The following RINT1 variants were observed in gnomAD, a reference collection of about 807,000 sequenced individuals.
The protein encoded by RINT1 is RAD50 interactor 1.
In RINT1, 75 loss-of-function variants were observed where a neutral mutation model predicts 97.7. That is an observed-to-expected ratio of 0.77 (90% CI 0.64 to 0.93). RINT1 has a LOEUF of 0.93. Ranked by LOEUF, RINT1 falls within the 40% of genes least tolerant of loss-of-function variation. The pLI, the probability that RINT1 is intolerant of heterozygous loss-of-function variation, is 0.00. For missense variants in RINT1, 892 were observed against 925.2 expected (o/e 0.96, Z 0.47); for synonymous variants, 303 against 326.3 (o/e 0.93, Z 0.77).
At chr7:105,559,049 T>C (rs1240456355) in intron 11 of RINT1, among the ~76,000 whole-genome samples, 1 of 152,162 alleles carries the variant, frequency 6.6e-6, no homozygotes, top group Non-Finnish European at 1.5e-5. Context: ...GAAATAAATT[T>C]CAGAGTTGAT....
At position 105,565,318 on chromosome 7, in the gene RINT1, C is replaced by A. The variant is rs1791660722; in HGVS notation, c.1928C>A (p.Ser643Tyr). The change falls in exon 13 of 15, where the codon TCC becomes TAC. Residue 643 changes from serine (S) to tyrosine (Y), a missense_variant. Ser to Tyr is a moderately radical substitution (Grantham distance 144). Transcript: ENST00000257700. Reference sequence around the variant, plus strand: ...TCTCAGTCAGAGCAGGCAGTGATGTCCCTGTCCAGTTCGGCTTGCCCGTTG... The same window carrying A: ...TCTCAGTCAGAGCAGGCAGTGATGTACCTGTCCAGTTCGGCTTGCCCGTTG... ...LPSQSEQAVM[S>Y]LSSSACPLLL... The A allele has an allele frequency of 6.2e-7, 1 of 1,614,058 alleles. No homozygotes were observed. The highest frequency in any genetic ancestry group is 1.7e-5 in the Admixed American group (1 of 60,002).
At chr7:105,547,858 G>T (rs910225194) in intron 6 of RINT1, among the ~76,000 whole-genome samples, 2 of 151,732 alleles carry the variant, frequency 1.3e-5, no homozygotes, top group East Asian at 3.9e-4. Flanking sequence ...CTCCCGAGTA[G>T]CTGGGATTAC....
chr7:105,536,736 A>G lies in RINT1; in HGVS notation c.260A>G (p.Gln87Arg). 6.3e-7 allele frequency: 1 copy of G among 1,593,726 alleles called. No homozygotes were observed. The highest frequency in any genetic ancestry group is 8.5e-7 in the Non-Finnish European group (1 of 1,171,038). Residue 87 changes from glutamine (Q) to arginine (R), a missense_variant, in exon 3 of 15, where the codon CAG becomes CGG. Coordinates refer to ENST00000257700, the MANE Select transcript of RINT1 (RefSeq NM_021930.6). Reference sequence around the variant, plus strand: ...GAACAGAGGACAGTAAGTAAAATGCAGTTAGAAGAACAGGTAAGTATTGAA... The same window carrying G: ...GAACAGAGGACAGTAAGTAAAATGCGGTTAGAAGAACAGGTAAGTATTGAA... The part of the protein sequence containing the change: ...LIEQRTVSKM[Q>R]LEEQVLTISS...
intron 10 of RINT1, among the ~76,000 whole-genome samples, chr7:105,553,103 T>A (rs940495892): frequency 6.6e-6 from 1 of 152,174 alleles, no homozygotes; most frequent in Non-Finnish European, 1.5e-5. Flanking sequence ...GATAATATGA[T>A]GAACTCTCAG....
At chr7:105,549,442 G>A (rs933421595) in intron 7 of RINT1, among the ~76,000 whole-genome samples, 6 of 150,618 alleles carry the variant, frequency 4.0e-5, no homozygotes, top group African/African-American at 1.5e-4. Flanking sequence ...TCTGCCTCCC[G>A]CGTTCAAGCG....
rs199604799 is a variant in RINT1, at chr7:105,567,295, C to G, written c.2363C>G (p.Pro788Arg). The G allele has an allele frequency of 6.3e-7, 1 of 1,595,830 alleles. No individual in the cohort carries two copies. Among genetic ancestry groups the G allele is most frequent in the African/African-American group, 1.4e-5 (1 of 74,048 alleles). The change falls in exon 15 of 15, where the codon CCT (proline) becomes CGT (arginine). Residue 788 changes from proline (P) to arginine (R), a missense_variant. By Grantham distance (103) the Pro-to-Arg change is moderately radical. Coordinates refer to ENST00000257700, the MANE Select transcript of RINT1 (RefSeq NM_021930.6). ...CTACTTAATTTGAGGACAAATTGGC[C>G]TAATACTGGAAAATAATGTCTTTCA... ...EILLNLRTNW[P>R]NTGK
chr7:105,548,489 A>G (rs1790775141), intron 6 of RINT1, 65 bp from the exon 7 acceptor site: 1 of 1,477,984 alleles, frequency 6.8e-7, no homozygotes, highest in African/African-American at 1.4e-5. Context: ...GTGTGTGTAT[A>G]CATACATATG....
chr7:105,556,124 T>G (rs930045451), intron 11 of RINT1, among the ~76,000 whole-genome samples: 6 of 151,376 alleles, frequency 4.0e-5, no homozygotes, highest in Non-Finnish European at 8.8e-5. Context: ...TGGAGTGCAA[T>G]GGTGCGATCT....
chr7:105,562,177 G>C (rs1791467691), intron 11 of RINT1, among the ~76,000 whole-genome samples: 1 of 152,170 alleles, frequency 6.6e-6, no homozygotes, highest in South Asian at 2.1e-4. Context: ...TTCCATTTCA[G>C]AATAGTTTAA....
chr7:105,555,818 A>G (rs1038842148), intron 11 of RINT1, among the ~76,000 whole-genome samples: 2 of 152,082 alleles, frequency 1.3e-5, no homozygotes, highest in Non-Finnish European at 2.9e-5. Context: ...CCATTTCTCC[A>G]AAGAATAAAA....
At chr7:105,544,539 A>T (rs1783402120) in intron 4 of RINT1, among the ~76,000 whole-genome samples, 1 of 151,958 alleles carries the variant, frequency 6.6e-6, no homozygotes, top group South Asian at 2.1e-4. Flanking sequence ...GGTTCAAGCG[A>T]TTCTCCTGCC....
chr7:105,562,276 G>T (rs148069612), intron 11 of RINT1, among the ~76,000 whole-genome samples: 1 of 152,146 alleles, frequency 6.6e-6, no homozygotes, highest in East Asian at 1.9e-4. Context: ...TCTGAGATGA[G>T]ATCTCGTTCT....
chr7:105,545,007 A>G (rs1166816895), intron 4 of RINT1, among the ~76,000 whole-genome samples: 2 of 151,784 alleles, frequency 1.3e-5, no homozygotes, highest in Non-Finnish European at 2.9e-5. Context: ...TCTTCTTGCT[A>G]GAATTAGCAT....
intron 14 of RINT1, 48 bp downstream of exon 14, chr7:105,565,696 G>A: frequency 8.0e-6 from 10 of 1,254,144 alleles, no homozygotes; most frequent in Non-Finnish European, 1.2e-5. Context: ...AATTGTTACA[G>A]GAGGCTAACT....
chr7:105,548,499 G>A lies in RINT1; in HGVS notation c.840-55G>A, dbSNP rs139105661. The A allele has an allele frequency of 3.2e-5, 47 of 1,473,146 alleles. No individual in the cohort carries two copies. The Middle Eastern group carries it at 6.9e-4, about 22-fold the overall frequency. The allele number at this position is 1,473,146 out of a possible 1,614,324, so 91.3% of individuals were successfully genotyped here. A position where few individuals can be genotyped will look rare whatever the true frequency, so the allele number is the denominator to read the frequency against. On this transcript the variant is annotated intron_variant, in intron 6 of 14. Coordinates refer to ENST00000257700, the MANE Select transcript of RINT1 (RefSeq NM_021930.6). ...TTATTGTGTGTGTATACATACATAT[G>A]TGTGTGTATATTAGGTATGCTTTTG...
chr7:105,560,161 A>G (rs1305292383), intron 11 of RINT1, among the ~76,000 whole-genome samples: 1 of 152,198 alleles, frequency 6.6e-6, no homozygotes, highest in East Asian at 1.9e-4. Context: ...CCAGGCTCAC[A>G]TGGTCCTTCT....
At chr7:105,558,308 AAT>A in intron 11 of RINT1, among the ~76,000 whole-genome samples, 1 of 151,526 alleles carries the variant, frequency 6.6e-6, no homozygotes, top group Non-Finnish European at 1.5e-5. Context: ...AAAAAAAAAA[AAT>A]AAAGTCAGCT....
chr7:105,567,063 T>C (rs1225729493), intron 14 of RINT1, 56 bp from the exon 15 acceptor site: 1 of 1,112,728 alleles, frequency 9.0e-7, no homozygotes, highest in Non-Finnish European at 1.2e-6. Context: ...AAAATTGTAA[T>C]ATAATTGATG....
intron 10 of RINT1, among the ~76,000 whole-genome samples, chr7:105,552,172 C>T (rs1407778484): frequency 2.6e-5 from 4 of 152,110 alleles, no homozygotes; most frequent in African/African-American, 4.8e-5. Flanking sequence ...AATATTCTAA[C>T]TTTTGGGTTT....
Sources: gnomAD v4.1 joint callset for allele counts (sites outside exome capture counted in the v4.1 genomes callset) on GRCh38, gnomAD v4.1.1 for gene constraint, MANE v1.5 for transcripts, NCBI Gene and HGNC (gene_info 2026-07-23, HGNC 2026-07-21) for gene names.